Variants in TMEM132C observed in about 807,000 individuals in gnomAD.
TMEM132C encodes protein phosphatase 1, regulatory subunit 152.
A neutral mutation model predicts 61.4 loss-of-function variants in TMEM132C; 29 were observed. The observed-to-expected ratio is 0.47, with a 90% confidence interval of 0.35 to 0.64. The LOEUF is 0.64. Among genes scored for constraint, TMEM132C ranks in the 30% least tolerant of loss-of-function variants. The probability of loss-of-function intolerance (pLI) is 0.00; values close to 1 mark genes in which losing one functional copy is unlikely to be tolerated. For synonymous variants in TMEM132C, 656 were observed against 633.1 expected (o/e 1.04, Z -0.54); for missense variants, 1,408 against 1,476.9 (o/e 0.95, Z 0.76).
chr12:128,400,224 C>A (rs148424903), intron 1 of TMEM132C: 1 of 152,292 alleles, frequency 6.6e-6, no homozygotes, highest in African/African-American at 2.4e-5. Context: ...ACTGGGCCAA[C>A]CCCTGGGATA....
chr12:128,425,632 G>A (rs537547784), intron 2 of TMEM132C, among the ~76,000 whole-genome samples: 1 of 152,344 alleles, frequency 6.6e-6, no homozygotes, highest in South Asian at 2.1e-4. Flanking sequence ...GAGGCCAGAA[G>A]CCTGAGATGA....
At chr12:128,401,574 G>A (rs1311140040) in intron 1 of TMEM132C, among the ~76,000 whole-genome samples, 2 of 152,124 alleles carry the variant, frequency 1.3e-5, no homozygotes, top group African/African-American at 2.4e-5. Context: ...TTTCGGAAAG[G>A]ATCAACGACT....
intron 4 of TMEM132C, among the ~76,000 whole-genome samples, chr12:128,634,169 G>T (rs1270275128): frequency 6.6e-6 from 1 of 152,192 alleles, no homozygotes; most frequent in Non-Finnish European, 1.5e-5. Flanking sequence ...GAACTCCTGG[G>T]TTCCAGTGAT....
chr12:128,662,131 A>T (rs114234477), intron 4 of TMEM132C, among the ~76,000 whole-genome samples: 301 of 152,278 alleles, frequency 2.0e-3, no homozygotes, highest in African/African-American at 6.8e-3. Context: ...TAACATAAAT[A>T]CATTTTAAAT....
At chr12:128,448,201 G>A (rs541022508) in intron 2 of TMEM132C, among the ~76,000 whole-genome samples, 2 of 152,306 alleles carry the variant, frequency 1.3e-5, no homozygotes, top group South Asian at 4.1e-4. Flanking sequence ...AGTAGTTGGT[G>A]GAGCTGGGAT....
chr12:128,470,757 A>G (rs1343787921), intron 2 of TMEM132C, among the ~76,000 whole-genome samples: 1 of 152,224 alleles, frequency 6.6e-6, no homozygotes, highest in Non-Finnish European at 1.5e-5. Context: ...CTTAGTATAA[A>G]AAGCAAAATA....
At chr12:128,355,306 T>C (rs1313574838) in intron 1 of TMEM132C, among the ~76,000 whole-genome samples, 2 of 152,152 alleles carry the variant, frequency 1.3e-5, no homozygotes, top group African/African-American at 4.8e-5. Flanking sequence ...GGGTTCAGCA[T>C]GCATGGGTTT....
intron 8 of TMEM132C, among the ~76,000 whole-genome samples, chr12:128,701,418 A>C (rs1315146924): frequency 6.6e-6 from 1 of 152,100 alleles, no homozygotes; most frequent in East Asian, 1.9e-4. Context: ...ACCCAATCCA[A>C]CTCAACCTGC....
chr12:128,582,738 G>A (rs1405331816), intron 3 of TMEM132C, among the ~76,000 whole-genome samples: 5 of 152,128 alleles, frequency 3.3e-5, no homozygotes, highest in African/African-American at 1.2e-4. Context: ...ATCTGGAACT[G>A]TAAGTCCAAT....
chr12:128,411,758 G>A (rs142259656), intron 1 of TMEM132C, among the ~76,000 whole-genome samples: 3 of 152,174 alleles, frequency 2.0e-5, no homozygotes, highest in Non-Finnish European at 2.9e-5. Context: ...ACATACACAT[G>A]CACACATACA....
intron 4 of TMEM132C, among the ~76,000 whole-genome samples, chr12:128,664,056 TCACAGGCACACACA>T (rs1954429981): frequency 1.0e-5 from 1 of 100,280 alleles, no homozygotes; most frequent in South Asian, 3.1e-4. Context: ...ACGCGGGCAC[TCACAGGCACACACA>T]CATACAGGCA....
intron 1 of TMEM132C, among the ~76,000 whole-genome samples, chr12:128,349,955 A>G (rs1194945655): frequency 1.3e-5 from 2 of 152,010 alleles, no homozygotes; most frequent in African/African-American, 4.8e-5. Flanking sequence ...GCAAGCATAC[A>G]TGTGTGATTT....
At chr12:128,670,292 G>A (rs1280778935) in intron 5 of TMEM132C, among the ~76,000 whole-genome samples, 1 of 152,196 alleles carries the variant, frequency 6.6e-6, no homozygotes, top group Non-Finnish European at 1.5e-5. Flanking sequence ...CTGGGTGGCA[G>A]AGCGAGACTC....
chr12:128,357,043 C>T (rs1477265302), intron 1 of TMEM132C, among the ~76,000 whole-genome samples: 2 of 152,132 alleles, frequency 1.3e-5, no homozygotes, highest in African/African-American at 4.8e-5. Context: ...TGTCTGCAAA[C>T]ATTATACTAA....
intron 1 of TMEM132C, among the ~76,000 whole-genome samples, chr12:128,295,085 G>A (rs547642981): frequency 8.5e-4 from 127 of 150,136 alleles, no homozygotes; most frequent in Middle Eastern, 3.5e-3. Context: ...GATTTATCCT[G>A]TTTCATCCTG....
intron 3 of TMEM132C, among the ~76,000 whole-genome samples, chr12:128,613,419 C>T (rs1876701080): frequency 6.6e-6 from 1 of 152,158 alleles, no homozygotes; most frequent in South Asian, 2.1e-4. Context: ...CTTTACAGAT[C>T]CTCGCCTAAG....
chr12:128,683,629 C>T (rs567708071), intron 5 of TMEM132C, among the ~76,000 whole-genome samples: 34 of 152,300 alleles, frequency 2.2e-4, no homozygotes, highest in African/African-American at 7.9e-4. Flanking sequence ...GGAATCCACA[C>T]ATATAAACTC....
At chr12:128,448,110 A>G (rs1870052475) in intron 2 of TMEM132C, among the ~76,000 whole-genome samples, 1 of 151,520 alleles carries the variant, frequency 6.6e-6, no homozygotes, top group Admixed American at 6.6e-5. Context: ...AAGTAAGACA[A>G]TTTTTTTTGT....
At chr12:128,518,738 G>T (rs1430921304) in intron 2 of TMEM132C, among the ~76,000 whole-genome samples, 1 of 152,046 alleles carries the variant, frequency 6.6e-6, no homozygotes, top group East Asian at 1.9e-4. Context: ...GTGTGCATGT[G>T]TGTGCGTGTG....
Sources: gnomAD v4.1 joint callset for allele counts (sites outside exome capture counted in the v4.1 genomes callset) on GRCh38, gnomAD v4.1.1 for gene constraint, MANE v1.5 for transcripts, NCBI Gene and HGNC (gene_info 2026-07-23, HGNC 2026-07-21) for gene names.